PCSK1: variants seen among roughly 807,000 people sequenced by gnomAD.
PCSK1 encodes neuroendocrine convertase 1.
PCSK1 carries 56 observed loss-of-function variants against 90.6 expected under a neutral mutation model. The ratio of observed to expected loss-of-function variants is 0.62; its 90% CI spans 0.50 to 0.77. The LOEUF is 0.77. Among genes scored for constraint, PCSK1 ranks in the 30% least tolerant of loss-of-function variants. The pLI is 0.00. For missense variants in PCSK1, 801 were observed against 932.6 expected (o/e 0.86, Z 1.84); for synonymous variants, 348 against 342.4 (o/e 1.02, Z -0.18).
intron 6 of PCSK1, among the ~76,000 whole-genome samples, chr5:96,413,627 C>G (rs1202744123): frequency 6.6e-6 from 1 of 150,986 alleles, no homozygotes; most frequent in Non-Finnish European, 1.5e-5. Flanking sequence ...TGGAGAAACC[C>G]CATCTTTACT....
chr5:96,414,812 T>C (rs1760888876), intron 6 of PCSK1, among the ~76,000 whole-genome samples: 1 of 152,126 alleles, frequency 6.6e-6, no homozygotes, highest in Admixed American at 6.5e-5. Flanking sequence ...TCTCCCTTCA[T>C]TTTTTTTAAA....
rs145284206 is a variant in PCSK1, at chr5:96,405,595, G to A, written c.1196+2628C>T. ...CTGAGGCATAAGAATTTCTTGAACCGGAGGGGTTGAGGTTGCAGTGAGCCG... is the reference window on the plus strand; with the variant it reads ...CTGAGGCATAAGAATTTCTTGAACCAGAGGGGTTGAGGTTGCAGTGAGCCG... On this transcript the variant is annotated intron_variant, in intron 9 of 13. Transcript: ENST00000311106. 3.9e-3 allele frequency among the ~76,000 whole-genome samples: 599 copies of A among 152,232 alleles called. 16 individuals are homozygous for A. The highest frequency in any genetic ancestry group is 0.029 in the Admixed American group (451 of 15,300).
rs1759946274 is a variant in PCSK1 at position 96,391,627 on chromosome 5, A to AGGAG, written c.*1373_*1374insCTCC. 6.6e-6 allele frequency: 1 copy of AGGAG among 152,192 alleles called. No individual in the cohort carries two copies. The highest frequency in any genetic ancestry group is 2.4e-5 in the African/African-American group (1 of 41,450). The allele number at this position is 152,192 out of a possible 1,614,324, so 9.4% of individuals were successfully genotyped here. On this transcript the variant is annotated 3_prime_UTR_variant, in exon 14 of 14. Coordinates refer to ENST00000311106, the MANE Select transcript of PCSK1 (RefSeq NM_000439.5). ...TTAGTGTAGGAGTGGGCAAAATCAA[A>AGGAG]TGCCTATTGGATACTGCCCAGCAAG...
At chr5:96,431,317 T>C (rs1028949458) in intron 1 of PCSK1, among the ~76,000 whole-genome samples, 13 of 152,252 alleles carry the variant, frequency 8.5e-5, no homozygotes, top group African/African-American at 3.1e-4. Flanking sequence ...TATGTGCTCC[T>C]GGCAACCTTT....
intron 9 of PCSK1, 152 bp downstream of exon 9, chr5:96,408,071 G>A: frequency 7.2e-6 from 5 of 690,352 alleles, no homozygotes; most frequent in South Asian, 4.6e-5. Flanking sequence ...TGTTAACTAT[G>A]GTTAGTGACC....
chr5:96,392,977 C>G lies in PCSK1; in HGVS notation c.*24G>C. ...GGGTAAGGAAGAAGCATGAATATTT[C>G]CAACTTGGGACCACACACTTATTTT... On this transcript the variant is annotated 3_prime_UTR_variant, in exon 14 of 14. Transcript: ENST00000311106. 6.2e-7 allele frequency: 1 copy of G among 1,613,458 alleles called. No homozygotes were observed. Among genetic ancestry groups the G allele is most frequent in the Non-Finnish European group, 8.5e-7 (1 of 1,179,502 alleles).
chr5:96,411,135 T>C (rs1038171872), intron 7 of PCSK1, 149 bp from the exon 8 acceptor site: 2 of 711,854 alleles, frequency 2.8e-6, no homozygotes, highest in African/African-American at 3.5e-5. Flanking sequence ...TTGGCTTCGA[T>C]ATTGGAAATC....
chr5:96,412,579 A>G, intron 6 of PCSK1, 89 bp from the exon 7 acceptor site: 1 of 1,264,734 alleles, frequency 7.9e-7, no homozygotes, highest in Non-Finnish European at 1.1e-6. Context: ...TTGTATTTTT[A>G]AAGGATTTTA....
At chr5:96,424,053 A>G (rs1287134560) in intron 3 of PCSK1, among the ~76,000 whole-genome samples, 3 of 151,984 alleles carry the variant, frequency 2.0e-5, no homozygotes, top group Non-Finnish European at 2.9e-5. Context: ...TTTAAAATAC[A>G]TTTTCTGATA....
At chr5:96,422,656 T>A (rs1007755664) in intron 4 of PCSK1, among the ~76,000 whole-genome samples, 1 of 152,172 alleles carries the variant, frequency 6.6e-6, no homozygotes, top group African/African-American at 2.4e-5. Context: ...GTGTTATAGC[T>A]GGGGAATGTT....
In PCSK1 at chr5:96,416,082, T is replaced by C; in HGVS notation, c.660A>G (p.Ala220=). 1 of 1,613,448 alleles carries C rather than the reference T, an allele frequency of 6.2e-7. No individual in the cohort carries two copies. The highest frequency in any genetic ancestry group is 1.1e-5 in the South Asian group (1 of 91,076). ...TRCAGEIAMQ[A]NNHKCGVGVA... Reference sequence around the variant, plus strand: ...CTCCAACCCCGCATTTGTGATTATTTGCTTGCATGGCAATTTCTCCTGCAC... The same window carrying C: ...CTCCAACCCCGCATTTGTGATTATTCGCTTGCATGGCAATTTCTCCTGCAC... Residue 220 remains alanine, a synonymous_variant, in exon 6 of 14, where the codon GCA becomes GCG. Coordinates refer to ENST00000311106, the MANE Select transcript of PCSK1 (RefSeq NM_000439.5).
chr5:96,399,840 C>T (rs142225856), intron 10 of PCSK1, 113 bp downstream of exon 10: 24 of 803,188 alleles, frequency 3.0e-5, no homozygotes, highest in Non-Finnish European at 5.1e-5. Flanking sequence ...TAGAAAATTC[C>T]ACCTCCATCT....
intron 1 of PCSK1, chr5:96,432,007 A>G (rs1188505476): frequency 7.5e-6 from 8 of 1,061,734 alleles, no homozygotes; most frequent in East Asian, 5.2e-5. Context: ...CCCACCTCCA[A>G]CCAGCTACCT....
intron 7 of PCSK1, among the ~76,000 whole-genome samples, chr5:96,411,778 C>T (rs1561369672): frequency 6.6e-6 from 1 of 152,176 alleles, no homozygotes; most frequent in Non-Finnish European, 1.5e-5. Context: ...TTCCATTCAA[C>T]CTCAGACCCA....
In PCSK1 at chr5:96,425,066, A is replaced by AAG. The variant is rs1162767193; in HGVS notation, c.396+752_396+753dup. Among the ~76,000 whole-genome samples, 135 of 140,438 alleles carry AAG rather than the reference A, an allele frequency of 9.6e-4. 1 individual carries two copies. The highest frequency in any genetic ancestry group is 3.4e-3 in the African/African-American group (129 of 38,132). 92.1% of individuals were successfully genotyped at this position (140,438 alleles called of 152,430 possible). ...AAAGAAAGAAAGAAAGAAAGAAAGA[A>AAG]AGAAAGAAAACGTAGGGTCAAGAGA... On this transcript the variant is annotated intron_variant, in intron 3 of 13. Coordinates refer to ENST00000311106, the MANE Select transcript of PCSK1 (RefSeq NM_000439.5).
chr5:96,408,429 A>G, intron 8 of PCSK1, 106 bp from the exon 9 acceptor site: 2 of 778,144 alleles, frequency 2.6e-6, no homozygotes, highest in Non-Finnish European at 4.5e-6. Context: ...TGACCAGGAA[A>G]CTCAGCTGAT....
intron 6 of PCSK1, among the ~76,000 whole-genome samples, chr5:96,413,186 A>C (rs772709236): frequency 1.5e-4 from 23 of 152,208 alleles, no homozygotes; most frequent in Non-Finnish European, 2.8e-4. Flanking sequence ...CTTCTAAATA[A>C]TCTCAAGGAT....
intron 9 of PCSK1, among the ~76,000 whole-genome samples, chr5:96,402,576 C>T (rs138729254): frequency 2.6e-5 from 4 of 152,278 alleles, no homozygotes; most frequent in Non-Finnish European, 5.9e-5. Context: ...GCCTTTTGTT[C>T]GGGGCTCCCT....
chr5:96,429,281 T>C lies in PCSK1; in HGVS notation c.217A>G (p.Lys73Glu). Reference sequence around the variant, plus strand: ...CTTCGAGACCTTCTGGGGTGGTTTTTATGTTTGAATAAGTAGTGATTTTCA... The same window carrying C: ...CTTCGAGACCTTCTGGGGTGGTTTTCATGTTTGAATAAGTAGTGATTTTCA... ...SLENHYLFKH[K>E]NHPRRSRRSA... Residue 73 changes from lysine (K) to glutamate (E), a missense_variant, in exon 2 of 14, where the codon AAA becomes GAA. Lys to Glu is a moderately conservative substitution (Grantham distance 56). Coordinates refer to ENST00000311106, the MANE Select transcript of PCSK1 (RefSeq NM_000439.5). 1 of 1,597,418 alleles carries C rather than the reference T, an allele frequency of 6.3e-7. No homozygotes were observed. Among genetic ancestry groups the C allele is most frequent in the East Asian group, 2.2e-5 (1 of 44,710 alleles).
Sources: allele counts gnomAD v4.1 joint callset (sites outside exome capture counted in the v4.1 genomes callset), GRCh38; gene constraint gnomAD v4.1.1; transcripts MANE v1.5; gene names NCBI Gene and HGNC (gene_info 2026-07-23, HGNC 2026-07-21).